MON2: variants seen among roughly 807,000 people sequenced by gnomAD.
MON2 encodes the protein protein MON2 homolog.
In MON2, 84 loss-of-function variants were observed where a neutral mutation model predicts 208.6. The ratio of observed to expected loss-of-function variants is 0.40; its 90% confidence interval spans 0.34 to 0.48. The LOEUF is 0.48. MON2 is among the 20% of genes least tolerant of loss of function. The pLI is 0.59. For synonymous variants in MON2, 660 were observed against 694.0 expected (o/e 0.95, Z 0.77); for missense variants, 1,611 against 2,015.4 (o/e 0.80, Z 3.84).
At chr12:62,542,608 G>T (rs956317767) in intron 19 of MON2, among the ~76,000 whole-genome samples, 3 of 152,160 alleles carry the variant, frequency 2.0e-5, no homozygotes, top group Non-Finnish European at 4.4e-5. Flanking sequence ...ATATGTCAGG[G>T]ACTATAGAAA....
chr12:62,526,183 T>G, intron 11 of MON2, 81 bp downstream of exon 11: 1 of 1,388,928 alleles, frequency 7.2e-7, no homozygotes, highest in South Asian at 1.3e-5. Flanking sequence ...CTATTGTATT[T>G]TAAATTTTAG....
chr12:62,538,029 A>G (rs2073062216), intron 16 of MON2, 67 bp from the exon 17 acceptor site: 1 of 1,415,648 alleles, frequency 7.1e-7, no homozygotes, highest in South Asian at 1.3e-5. Context: ...ACTGATTTTA[A>G]TTTTAGTTAT....
rs2075512487 is a variant in MON2 at position 62,595,608 on chromosome 12, G to C, written c.*2859G>C. 1 of 152,120 alleles carries C rather than the reference G, an allele frequency of 6.6e-6. No individual in the cohort carries two copies. Among genetic ancestry groups the C allele is most frequent in the Non-Finnish European group, 1.5e-5 (1 of 68,026 alleles). 9.4% of individuals were successfully genotyped at this position (152,120 alleles called of 1,614,324 possible). On this transcript the variant is annotated 3_prime_UTR_variant, in exon 35 of 35. Transcript: ENST00000393630. ...AAGGAAATAAACTAATTGTTAACTT[G>C]CATAGATTACTTCTTAGTTTCCTAT... is the stretch of plus-strand genomic sequence containing the variant.
At chr12:62,524,967 A>G in intron 9 of MON2, 117 bp from the exon 10 acceptor site, 1 of 901,804 alleles carries the variant, frequency 1.1e-6, no homozygotes, top group South Asian at 2.0e-5. Flanking sequence ...AGTTGTAATG[A>G]AGAATGTTTT....
chr12:62,478,300 G>A, intron 1 of MON2, among the ~76,000 whole-genome samples: 1 of 152,096 alleles, frequency 6.6e-6, no homozygotes, highest in East Asian at 1.9e-4. Flanking sequence ...TATTCTTATA[G>A]GTAGTATGAA....
chr12:62,534,518 CAAAAAAAAAAAA>C lies in MON2; in HGVS notation c.1634-313_1634-302del, dbSNP rs869145698. On this transcript the variant is annotated intron_variant, in intron 12 of 34. Coordinates refer to ENST00000393630, the MANE Select transcript of MON2 (RefSeq NM_015026.3). ...TGGGCAACAGAGCAAGACTCCATCG[CAAAAAAAAAAAA>C]AAAAAAAAAAAAATATATATATATA... Among the ~76,000 whole-genome samples the C allele has an allele frequency of 1.2e-3, 81 of 67,428 alleles. 5 individuals are homozygous for C. Among genetic ancestry groups the C allele is most frequent in the African/African-American group, 4.2e-3 (63 of 14,940 alleles). The allele number at this position is 67,428 out of a possible 152,430, so 44.2% of individuals were successfully genotyped here.
At chr12:62,570,722 CTTTTTTTT>C (rs1192680038) in intron 29 of MON2, among the ~76,000 whole-genome samples, 431 of 70,852 alleles carry the variant, frequency 6.1e-3, no homozygotes, top group Non-Finnish European at 9.7e-3. Flanking sequence ...TTTTCTTTTT[CTTTTTTTT>C]TTTTTTTTTT....
chr12:62,484,262 TAAAC>T (rs756036538), intron 2 of MON2, 29 bp downstream of exon 2: 32 of 1,440,684 alleles, frequency 2.2e-5, no homozygotes, highest in East Asian at 4.8e-5. Context: ...AATTTAATAA[TAAAC>T]AAAAATTTGA....
chr12:62,478,686 TTTC>T (rs1362092997), intron 1 of MON2, among the ~76,000 whole-genome samples: 14 of 152,364 alleles, frequency 9.2e-5, no homozygotes, highest in African/African-American at 3.4e-4. Context: ...CCATAGTTTG[TTTC>T]TTCCTTTTAA....
chr12:62,467,178 CTCGGAAAT>C lies in MON2; in HGVS notation c.-28_-21del. On this transcript the variant is annotated 5_prime_UTR_variant, in exon 1 of 35. Coordinates refer to ENST00000393630, the MANE Select transcript of MON2 (RefSeq NM_015026.3). The stretch of plus-strand genomic sequence containing the variant: ...ACCGTGCCAGAGCTTGTTTGTACCT[CTCGGAAAT>C]TGGCTGGGACCTTGGAGGATCATGT... The C allele has an allele frequency of 6.3e-7, 1 of 1,597,726 alleles. No individual in the cohort carries two copies. The highest frequency in any genetic ancestry group is 1.3e-5 in the African/African-American group (1 of 74,852).
chr12:62,578,876 T>C (rs2074892262), intron 31 of MON2, among the ~76,000 whole-genome samples: 1 of 152,202 alleles, frequency 6.6e-6, no homozygotes, highest in Non-Finnish European at 1.5e-5. Context: ...TGCTTGAATT[T>C]TTCAGTTTTT....
chr12:62,511,488 G>A (rs2071396467), intron 8 of MON2, among the ~76,000 whole-genome samples: 2 of 152,092 alleles, frequency 1.3e-5, no homozygotes, highest in Admixed American at 1.3e-4. Flanking sequence ...TCTTTGAAAA[G>A]GGTGCCAAGA....
rs1407976847 is a variant in MON2 at position 62,498,989 on chromosome 12, T to C, written c.506T>C (p.Val169Ala). 1.5e-5 allele frequency: 24 copies of C among 1,613,178 alleles called. No individual in the cohort carries two copies. The highest frequency in any genetic ancestry group is 2.0e-5 in the Non-Finnish European group (24 of 1,179,638). The part of the protein sequence containing the change: ...NITNNTAAAT[V>A]RQVVTVVFER... ...ACAAATAATACAGCTGCTGCTACAGTGCGACAAGTTGTTACTGTTGTTTTT... is the reference window on the plus strand; with the variant it reads ...ACAAATAATACAGCTGCTGCTACAGCGCGACAAGTTGTTACTGTTGTTTTT... The change falls in exon 5 of 35, where the codon GTG becomes GCG. Residue 169 changes from valine (V) to alanine (A), a missense_variant. Coordinates refer to ENST00000393630, the MANE Select transcript of MON2 (RefSeq NM_015026.3).
chr12:62,506,894 T>C (rs2071130528), intron 7 of MON2, among the ~76,000 whole-genome samples: 1 of 152,178 alleles, frequency 6.6e-6, no homozygotes, highest in Non-Finnish European at 1.5e-5. Context: ...CAAAATGTAT[T>C]TGAGGCTAGT....
At chr12:62,561,467 A>G (rs2074196230) in intron 26 of MON2, among the ~76,000 whole-genome samples, 1 of 152,252 alleles carries the variant, frequency 6.6e-6, no homozygotes, top group Non-Finnish European at 1.5e-5. Context: ...AAGCAGTGGG[A>G]TTATATTTTT....
At position 62,537,263 on chromosome 12, in the gene MON2, G is replaced by A; in HGVS notation, c.2013G>A (p.Met671Ile). 2 of 1,588,638 alleles carry A rather than the reference G, an allele frequency of 1.3e-6. No individual in the cohort carries two copies. Among genetic ancestry groups the A allele is most frequent in the Non-Finnish European group, 1.7e-6 (2 of 1,160,818 alleles). The change falls in exon 15 of 35, where the codon ATG (methionine) becomes ATA (isoleucine). Residue 671 changes from methionine (M) to isoleucine (I), a missense_variant and splice_region_variant. By Grantham distance (10) the Met-to-Ile change is conservative. Coordinates refer to ENST00000393630, the MANE Select transcript of MON2 (RefSeq NM_015026.3). The part of the protein sequence containing the change: ...PLAVQPQGTV[M>I]LTSKNIQCMR... ...CAGTCCAGCCTCAAGGGACAGTAAT[G>A]GTAATGTACTTGTATTTTTCTTGGT...
rs2136545176 is a variant in MON2 at position 62,598,080 on chromosome 12, T to C, written c.*5331T>C. The C allele has an allele frequency of 6.6e-6, 1 of 152,308 alleles. No individual in the cohort carries two copies. The highest frequency in any genetic ancestry group is 2.4e-5 in the African/African-American group (1 of 41,570). 9.4% of individuals were successfully genotyped at this position (152,308 alleles called of 1,614,324 possible). A position where few individuals can be genotyped will look rare whatever the true frequency, so the allele number is the denominator to read the frequency against. On this transcript the variant is annotated 3_prime_UTR_variant, in exon 35 of 35. Coordinates refer to ENST00000393630, the MANE Select transcript of MON2 (RefSeq NM_015026.3). Reference sequence around the variant, plus strand: ...TGCCCATGTATTTCAACTATTTTCATTTTTCTGTTGCAAAGCAGTCTTTGA... The same window carrying C: ...TGCCCATGTATTTCAACTATTTTCACTTTTCTGTTGCAAAGCAGTCTTTGA...
intron 7 of MON2, among the ~76,000 whole-genome samples, chr12:62,505,725 T>TAA (rs113734022): frequency 4.3e-5 from 6 of 140,292 alleles, no homozygotes; most frequent in East Asian, 2.1e-4. Flanking sequence ...TACGAAAAAT[T>TAA]AAAAAAAAAA....
chr12:62,544,760 A>G (rs2073407949), intron 20 of MON2, 138 bp from the exon 21 acceptor site: 1 of 1,534,240 alleles, frequency 6.5e-7, no homozygotes, highest in Non-Finnish European at 8.8e-7. Context: ...TCTTGCCCTT[A>G]TTCAGAAGGT....
Sources: allele counts gnomAD v4.1 joint callset (sites outside exome capture counted in the v4.1 genomes callset), GRCh38; gene constraint gnomAD v4.1.1; transcripts MANE v1.5; gene names NCBI Gene and HGNC (gene_info 2026-07-23, HGNC 2026-07-21).